ZNF483: variants seen among roughly 807,000 people sequenced by gnomAD.
ZNF483 encodes the protein zinc finger protein 483.
ZNF483 carries 9 observed loss-of-function variants against 28.6 expected under a neutral mutation model. The observed-to-expected ratio is 0.32, with a 90% CI of 0.19 to 0.55. ZNF483 has a LOEUF of 0.55. Among genes scored for constraint, ZNF483 ranks in the 20% least tolerant of loss-of-function variants. The pLI is 0.93. For synonymous variants in ZNF483, 322 were observed against 306.2 expected (o/e 1.05, Z -0.54); for missense variants, 675 against 871.7 (o/e 0.77, Z 2.84).
Position 111,554,400 on chromosome 9 carries a change from G to C in ZNF483, c.*11230G>C, listed in dbSNP as rs1828061579. 6.6e-6 allele frequency among the ~76,000 whole-genome samples: 1 copy of C among 152,134 alleles called. No homozygotes were observed. The highest frequency in any genetic ancestry group is 6.5e-5 in the Admixed American group (1 of 15,276). ...TGAAATACAGCTTTCCCCTCATTGTGGTGAGCACATAGATTATTTCTACCA... is the reference window on the plus strand; with the variant it reads ...TGAAATACAGCTTTCCCCTCATTGTCGTGAGCACATAGATTATTTCTACCA... On this transcript the variant is annotated 3_prime_UTR_variant, in exon 6 of 6. Transcript: ENST00000309235.
Position 111,549,712 on chromosome 9 carries a change from C to A in ZNF483, c.*6542C>A. 1.3e-6 allele frequency: 2 copies of A among 1,545,600 alleles called. No homozygotes were observed. The highest frequency in any genetic ancestry group is 1.7e-6 in the Non-Finnish European group (2 of 1,145,044). Reference sequence around the variant, plus strand: ...TTTGTAGTCCTTTTGTAAAGTGGACCCTTGCCTTCTAAGGTAATGGTGAAT... The same window carrying A: ...TTTGTAGTCCTTTTGTAAAGTGGACACTTGCCTTCTAAGGTAATGGTGAAT... On this transcript the variant is annotated 3_prime_UTR_variant, in exon 6 of 6. Transcript: ENST00000309235.
rs764199665 is a variant in ZNF483 at position 111,569,999 on chromosome 9, G to A, written c.722-6366G>A. 3.2e-6 allele frequency: 5 copies of A among 1,574,684 alleles called. No individual in the cohort carries two copies. The Admixed American group carries it at 7.4e-5, about 23-fold the overall frequency. On this transcript the variant is annotated intron_variant, in intron 5 of 5. Coordinates refer to the ZNF483 transcript ENST00000358151. ...AGGGAAAAACTGACGATGCGGCAGA[G>A]ATGGGGAAGAATTGGTAGAACAAAA... is the stretch of plus-strand genomic sequence containing the variant.
At chr9:111,569,785 G>T (rs1331194187) in intron 5 of ZNF483, 2 of 361,864 alleles carry the variant, frequency 5.5e-6, no homozygotes, top group African/African-American at 2.1e-5. Context: ...TGGGTTTAAG[G>T]AAGAATGGAA....
At chr9:111,556,531 C>T (rs1206793179), downstream of ZNF483, among the ~76,000 whole-genome samples, 1 of 152,252 alleles carries the variant, frequency 6.6e-6, no homozygotes, top group African/African-American at 2.4e-5. Context: ...CATACATTCT[C>T]TGAAATCTAG....
chr9:111,572,456 G>A (rs892126023), intron 5 of ZNF483, among the ~76,000 whole-genome samples: 4 of 152,128 alleles, frequency 2.6e-5, no homozygotes, highest in Non-Finnish European at 5.9e-5. Context: ...CAGGCGTGAC[G>A]ATTTGTGCCT....
rs906098569 is a variant in ZNF483, at chr9:111,547,807, T to C, written c.*4637T>C. 1.3e-5 allele frequency among the ~76,000 whole-genome samples: 2 copies of C among 152,196 alleles called. No individual in the cohort carries two copies. The highest frequency in any genetic ancestry group is 1.3e-4 in the Admixed American group (2 of 15,276). ...AGTCTTTTAACCATTTTGATTTTTA[T>C]GTATGGTAAAGGGTCCATCTTCATT... On this transcript the variant is annotated 3_prime_UTR_variant, in exon 6 of 6. Coordinates refer to ENST00000309235, the MANE Select transcript of ZNF483 (RefSeq NM_133464.5).
intron 5 of ZNF483, chr9:111,563,242 G>C (rs1404195563): frequency 6.2e-7 from 1 of 1,605,696 alleles, no homozygotes; most frequent in Non-Finnish European, 8.5e-7. Flanking sequence ...CTGTATCAAA[G>C]CAACAACAAA....
intron 5 of ZNF483, chr9:111,563,126 C>T: frequency 2.5e-6 from 4 of 1,612,362 alleles, no homozygotes; most frequent in Non-Finnish European, 3.4e-6. Flanking sequence ...CTTTTTCATG[C>T]TTTCACTATT....
chr9:111,562,051 A>G (rs1415839955), intron 5 of ZNF483, among the ~76,000 whole-genome samples: 6 of 151,960 alleles, frequency 3.9e-5, no homozygotes, highest in Non-Finnish European at 7.4e-5. Context: ...ATGCCCAGCT[A>G]ATTTTTGTAT....
chr9:111,567,525 A>G (rs1485212730), intron 5 of ZNF483, among the ~76,000 whole-genome samples: 1 of 152,098 alleles, frequency 6.6e-6, no homozygotes, highest in Non-Finnish European at 1.5e-5. Context: ...ACGTGAGAGA[A>G]TTCAGCAAGC....
At chr9:111,570,082 G>A (rs1183232709) in intron 5 of ZNF483, 2 of 1,614,062 alleles carry the variant, frequency 1.2e-6, no homozygotes, top group Admixed American at 1.7e-5. Context: ...TGGCTCCGGA[G>A]CTCCTTACCT....
intron 5 of ZNF483, among the ~76,000 whole-genome samples, chr9:111,539,112 C>CAAA (rs11367090): frequency 3.1e-5 from 2 of 64,896 alleles, no homozygotes; most frequent in Non-Finnish European, 5.2e-5. Flanking sequence ...GACTCCGTCT[C>CAAA]AAAAAAAAAA....
chr9:111,558,576 A>C, downstream of ZNF483, among the ~76,000 whole-genome samples: 1 of 152,222 alleles, frequency 6.6e-6, no homozygotes, highest in Admixed American at 6.5e-5. Flanking sequence ...CCCAGAACAA[A>C]CCATTTCTGG....
chr9:111,530,802 C>T (rs12338861), intron 2 of ZNF483, 73 bp from the exon 3 acceptor site: 18,132 of 42,962 alleles, frequency 0.42, 3,139 homozygotes, highest in Non-Finnish European at 0.48. Context: ...TATATATATA[C>T]ATATATATAT....
Position 111,548,467 on chromosome 9 carries a change from G to A in ZNF483, c.*5297G>A, listed in dbSNP as rs1427771675. Reference sequence around the variant, plus strand: ...GTTTTGAGTGTTGATTTTGTATCTTGCAACTTTGCTGAATTTGTTTATTAG... The same window carrying A: ...GTTTTGAGTGTTGATTTTGTATCTTACAACTTTGCTGAATTTGTTTATTAG... On this transcript the variant is annotated 3_prime_UTR_variant, in exon 6 of 6. Coordinates refer to ENST00000309235, the MANE Select transcript of ZNF483 (RefSeq NM_133464.5). Among the ~76,000 whole-genome samples, 1 of 152,138 alleles carries A rather than the reference G, an allele frequency of 6.6e-6. No individual in the cohort carries two copies. Among genetic ancestry groups the A allele is most frequent in the Non-Finnish European group, 1.5e-5 (1 of 68,010 alleles).
At chr9:111,564,355 G>C in intron 5 of ZNF483, 1 of 453,600 alleles carries the variant, frequency 2.2e-6, no homozygotes, top group Non-Finnish European at 3.1e-6. Context: ...ACCTAGGTTT[G>C]AGTGCAGTGG....
intron 5 of ZNF483, among the ~76,000 whole-genome samples, chr9:111,535,639 G>C (rs993801046): frequency 6.6e-6 from 1 of 152,134 alleles, no homozygotes; most frequent in African/African-American, 2.4e-5. Flanking sequence ...TGCCTCCCAG[G>C]TTCAAGTGAT....
intron 5 of ZNF483, chr9:111,539,319 A>G: frequency 2.8e-6 from 1 of 359,668 alleles, no homozygotes; most frequent in East Asian, 7.9e-5. Context: ...TTAAATTTGC[A>G]AAGATTTAAA....
intron 5 of ZNF483, among the ~76,000 whole-genome samples, chr9:111,535,838 C>T (rs2132238065): frequency 6.6e-6 from 1 of 152,040 alleles, no homozygotes; most frequent in South Asian, 2.1e-4. Flanking sequence ...AGCCACCGTG[C>T]CCGGCCAGGA....
Sources: gnomAD v4.1 joint callset for allele counts (sites outside exome capture counted in the v4.1 genomes callset) on GRCh38, gnomAD v4.1.1 for gene constraint, MANE v1.5 for transcripts, NCBI Gene and HGNC (gene_info 2026-07-23, HGNC 2026-07-21) for gene names.